NEK9: variants seen among roughly 807,000 people sequenced by gnomAD.
NEK9 encodes NIMA related kinase 9, also known as serine/threonine-protein kinase Nek9.
A neutral mutation model predicts 123.4 loss-of-function variants in NEK9; 75 were observed. That is an observed-to-expected ratio of 0.61 (90% confidence interval 0.50 to 0.74). NEK9 has a LOEUF of 0.74. NEK9 is among the 30% of genes least tolerant of loss of function. The pLI, the probability that NEK9 is intolerant of heterozygous loss-of-function variation, is 0.00. For synonymous variants in NEK9, 438 were observed against 458.7 expected, an observed-to-expected ratio of 0.95 and a Z score of 0.58; for missense variants, 952 against 1,214.4, an observed-to-expected ratio of 0.78 and a Z score of 3.21.
chr14:75,084,847 T>C (rs1223093945), intron 21 of NEK9, 161 bp from the exon 22 acceptor site: 35 of 792,104 alleles, frequency 4.4e-5, no homozygotes, highest in Non-Finnish European at 5.8e-5. Flanking sequence ...CTATTTTAGA[T>C]ACAGTCCATA....
At chr14:75,120,768 GT>G in intron 3 of NEK9, 188 bp from the exon 4 acceptor site, 1 of 583,006 alleles carries the variant, frequency 1.7e-6, no homozygotes, top group Non-Finnish European at 3.0e-6. Flanking sequence ...CAAAAAACAG[GT>G]TCCTCATAAA....
chr14:75,126,880 G>C lies in NEK9; in HGVS notation c.42C>G (p.Ile14Met). 6.6e-7 allele frequency: 1 copy of C among 1,525,410 alleles called. No individual in the cohort carries two copies. Among genetic ancestry groups the C allele is most frequent in the Non-Finnish European group, 8.8e-7 (1 of 1,135,906 alleles). The allele number at this position is 1,525,410 out of a possible 1,614,324, so 94.5% of individuals were successfully genotyped here. A position where few individuals can be genotyped will look rare whatever the true frequency, so the allele number is the denominator to read the frequency against. The change falls in exon 1 of 22, where the codon ATC becomes ATG. Residue 14 changes from isoleucine to methionine, a missense_variant. This residue lies in a region of NEK9 where 120 missense variants were observed against 97.6 expected (regional missense o/e 1.23). Transcript: ENST00000238616. ...CGGACTCGCTCCCAAAGTCCGAGTTGATGGAATCGCAGTGTCGCTCGTACT... is the reference window on the plus strand; with the variant it reads ...CGGACTCGCTCCCAAAGTCCGAGTTCATGGAATCGCAGTGTCGCTCGTACT... ...LGEYERHCDS[I>M]NSDFGSESGG...
In NEK9 at chr14:75,101,698, C is replaced by A. The variant is rs200363570; in HGVS notation, c.1799G>T (p.Arg600Leu). ...LAKQLSFYKI[R>L]TIAPGKTHTA... ...GTGAGTCTTGCCTGGGGCAATGGTA[C>A]GGATCTTATAAAAGGACAACTGTTT... The change falls in exon 15 of 22, where the codon CGT becomes CTT. Residue 600 changes from arginine (R) to leucine (L), a missense_variant. Physicochemically the swap from Arg to Leu is moderately radical, Grantham distance 102. Coordinates refer to ENST00000238616, the MANE Select transcript of NEK9 (RefSeq NM_033116.6). 6 of 1,613,820 alleles carry A rather than the reference C, an allele frequency of 3.7e-6. No individual in the cohort carries two copies. The Admixed American group carries it at 5.0e-5, about 13-fold the overall frequency.
intron 6 of NEK9, among the ~76,000 whole-genome samples, chr14:75,115,346 A>C (rs1331991196): frequency 2.0e-5 from 3 of 151,998 alleles, no homozygotes; most frequent in African/African-American, 7.2e-5. Context: ...CGAACTCCTG[A>C]CCTCAGGTGA....
intron 11 of NEK9, 81 bp from the exon 12 acceptor site, chr14:75,106,783 GGACTAC>G: frequency 9.7e-7 from 1 of 1,033,216 alleles, no homozygotes; most frequent in Non-Finnish European, 1.4e-6. Flanking sequence ...GCTGGAATGA[GGACTAC>G]CCCAGCAAAT....
intron 6 of NEK9, among the ~76,000 whole-genome samples, chr14:75,115,783 C>T (rs959827636): frequency 1.3e-5 from 2 of 151,968 alleles, no homozygotes; most frequent in African/African-American, 4.8e-5. Context: ...ACCCCACCCC[C>T]CAAAAAAATC....
In NEK9 at chr14:75,080,590, T is replaced by A. The variant is rs1209349579; in HGVS notation, c.*3974A>T. 2 of 152,048 alleles carry A rather than the reference T, an allele frequency of 1.3e-5. No individual in the cohort carries two copies. The highest frequency in any genetic ancestry group is 2.9e-5 in the Non-Finnish European group (2 of 68,010). The allele number at this position is 152,048 out of a possible 1,614,324, so 9.4% of individuals were successfully genotyped here. A position where few individuals can be genotyped will look rare whatever the true frequency, so the allele number is the denominator to read the frequency against. On this transcript the variant is annotated 3_prime_UTR_variant, in exon 22 of 22. Coordinates refer to ENST00000238616, the MANE Select transcript of NEK9 (RefSeq NM_033116.6). ...AGAAATTTCACGGGGAAACTCCTCATGTGGAAACTCATTTCATTAAAAATG... is the reference window on the plus strand; with the variant it reads ...AGAAATTTCACGGGGAAACTCCTCAAGTGGAAACTCATTTCATTAAAAATG...
chr14:75,091,064 AG>A (rs1894199362), intron 19 of NEK9, among the ~76,000 whole-genome samples: 1 of 150,964 alleles, frequency 6.6e-6, no homozygotes, highest in African/African-American at 2.5e-5. Flanking sequence ...TTAAGTAACA[AG>A]GGTATGAGAA....
chr14:75,121,643 A>G (rs1173281731), intron 2 of NEK9, among the ~76,000 whole-genome samples: 1 of 152,172 alleles, frequency 6.6e-6, no homozygotes, highest in African/African-American at 2.4e-5. Context: ...GGGTTTGGGA[A>G]TTTAAGACCA....
intron 18 of NEK9, among the ~76,000 whole-genome samples, chr14:75,092,399 TG>T (rs1220171568): frequency 6.6e-6 from 1 of 152,082 alleles, no homozygotes; most frequent in African/African-American, 2.4e-5. Flanking sequence ...CCTGAGTAGC[TG>T]GGATTACAGG....
chr14:75,107,255 GT>G (rs1190502953), intron 11 of NEK9, 87 bp downstream of exon 11: 1 of 1,377,150 alleles, frequency 7.3e-7, no homozygotes, highest in Non-Finnish European at 9.9e-7. Context: ...ACTGTCTTTT[GT>G]TTTAAAATCC....
At chr14:75,103,296 G>T (rs980639380) in intron 14 of NEK9, among the ~76,000 whole-genome samples, 3 of 151,726 alleles carry the variant, frequency 2.0e-5, no homozygotes, top group Admixed American at 1.3e-4. Context: ...CAGGATCAGT[G>T]ATTTGGGAGA....
In NEK9 at chr14:75,097,194, A is replaced by G; in HGVS notation, c.2079T>C (p.Ser693=). 1 of 1,613,808 alleles carries G rather than the reference A, an allele frequency of 6.2e-7. No individual in the cohort carries two copies. Among genetic ancestry groups the G allele is most frequent in the Non-Finnish European group, 8.5e-7 (1 of 1,179,760 alleles). The change falls in exon 17 of 22, where the codon TCT becomes TCC. Residue 693 remains serine (S), a synonymous_variant. Coordinates refer to ENST00000238616, the MANE Select transcript of NEK9 (RefSeq NM_033116.6). ...AMTPTERPHG[S]DICTSWPRPI... ...GCCGAGGCCATGAGGTACAGATATC[A>G]GAGCCATGTGGTCTCTCTGTGGGGG... is the stretch of plus-strand genomic sequence containing the variant.
At chr14:75,101,182 G>A (rs767545595) in intron 15 of NEK9, 29 bp from the exon 16 acceptor site, 1 of 1,601,830 alleles carries the variant, frequency 6.2e-7, no homozygotes, top group Non-Finnish European at 8.5e-7. Context: ...GAAATAACAA[G>A]GCACAAATGA....
Position 75,101,172 on chromosome 14 carries a change from G to T in NEK9, c.1841-19C>A. The T allele has an allele frequency of 2.5e-6, 4 of 1,608,196 alleles. No homozygotes were observed. The highest frequency in any genetic ancestry group is 3.4e-6 in the Non-Finnish European group (4 of 1,177,440). On this transcript the variant is annotated intron_variant, in intron 15 of 21. Coordinates refer to ENST00000238616, the MANE Select transcript of NEK9 (RefSeq NM_033116.6). Reference sequence around the variant, plus strand: ...CCTCGCTCTGAGAGAGAAGCAAAAAGAAATAACAAGGCACAAATGAGTCCT... The same window carrying T: ...CCTCGCTCTGAGAGAGAAGCAAAAATAAATAACAAGGCACAAATGAGTCCT...
Position 75,084,582 on chromosome 14 carries a change from G to A in NEK9, c.2922C>T (p.Ser974=). The A allele has an allele frequency of 1.2e-6, 2 of 1,614,126 alleles. No homozygotes were observed. Among genetic ancestry groups the A allele is most frequent in the Non-Finnish European group, 1.7e-6 (2 of 1,179,992 alleles). ...CAGGAGACTAGAGGCTGGGTCTACA[G>A]GAGTCTGTTCCCAGGAGGCACCAGG... The part of the protein sequence containing the change: ...SDSWCLLGTD[S]CRPSL Residue 974 remains serine, a synonymous_variant, in exon 22 of 22, where the codon TCC becomes TCT. Transcript: ENST00000238616.
chr14:75,089,474 C>T (rs1894137782), intron 19 of NEK9, among the ~76,000 whole-genome samples: 1 of 152,136 alleles, frequency 6.6e-6, no homozygotes, highest in South Asian at 2.1e-4. Flanking sequence ...AGTGATCTGC[C>T]CGCCTTGGCC....
chr14:75,090,274 G>A (rs888536287), intron 19 of NEK9, among the ~76,000 whole-genome samples: 6 of 149,930 alleles, frequency 4.0e-5, no homozygotes, highest in South Asian at 2.1e-4. Flanking sequence ...CATCATGCTC[G>A]GTCTTTTTTT....
intron 1 of NEK9, among the ~76,000 whole-genome samples, chr14:75,124,775 C>CTTTT (rs34921975): frequency 8.0e-6 from 1 of 124,994 alleles, no homozygotes. Context: ...TGTCTACTAT[C>CTTTT]TTTTTTTTTT....
Sources: allele counts gnomAD v4.1 joint callset (sites outside exome capture counted in the v4.1 genomes callset), GRCh38; gene constraint gnomAD v4.1.1; regional missense constraint gnomAD v4.1.1; transcripts MANE v1.5; gene names NCBI Gene and HGNC (gene_info 2026-07-23, HGNC 2026-07-21).